The following ST18 variants were observed in gnomAD, a reference collection of about 807,000 sequenced individuals.
ST18 encodes the protein suppression of tumorigenicity 18 protein.
Under a neutral mutation model 110.0 loss-of-function variants are expected in ST18, and 50 were observed. That is an observed-to-expected ratio of 0.45 (90% confidence interval 0.36 to 0.58). The LOEUF (loss-of-function observed/expected upper bound fraction) is 0.58. ST18 is among the 20% of genes least tolerant of loss of function. The pLI is 0.00. For synonymous variants in ST18, 461 were observed against 452.4 expected (o/e 1.02, Z -0.24); for missense variants, 1,306 against 1,280.1 (o/e 1.02, Z -0.31).
rs887209270 is a variant in ST18, at chr8:52,112,628, C to G, written c.*570G>C. 4 of 152,576 alleles carry G rather than the reference C, an allele frequency of 2.6e-5. No homozygotes were observed. Among genetic ancestry groups the G allele is most frequent in the African/African-American group, 9.7e-5 (4 of 41,430 alleles). The allele number at this position is 152,576 out of a possible 1,614,324, so 9.5% of individuals were successfully genotyped here. A position where few individuals can be genotyped will look rare whatever the true frequency, so the allele number is the denominator to read the frequency against. On this transcript the variant is annotated 3_prime_UTR_variant, in exon 26 of 26. Coordinates refer to ENST00000689386, the MANE Select transcript of ST18 (RefSeq NM_001352837.2). ...CGTGCAGCTCACCTTACCGCAAATT[C>G]ATTTATAAATACAAAAATCAGTGAA...
At chr8:52,137,588 T>C in intron 17 of ST18, 105 bp from the exon 18 acceptor site, 2 of 1,066,046 alleles carry the variant, frequency 1.9e-6, no homozygotes, top group Middle Eastern at 4.0e-4. Flanking sequence ...CGAGATAAGT[T>C]AACACAGTAT....
At chr8:52,346,619 G>T (rs1817905036) in intron 2 of ST18, among the ~76,000 whole-genome samples, 1 of 152,210 alleles carries the variant, frequency 6.6e-6, no homozygotes, top group African/African-American at 2.4e-5. Context: ...AAACACAACT[G>T]CATCAGCCTT....
chr8:52,252,151 G>T (rs1385570389), intron 2 of ST18, among the ~76,000 whole-genome samples: 4 of 152,110 alleles, frequency 2.6e-5, no homozygotes, highest in African/African-American at 9.6e-5. Context: ...GTTTAAAGCT[G>T]CAACTGGAAA....
intron 2 of ST18, among the ~76,000 whole-genome samples, chr8:52,348,454 A>C (rs568663934): frequency 6.6e-6 from 1 of 152,258 alleles, no homozygotes; most frequent in Non-Finnish European, 1.5e-5. Flanking sequence ...TCTGACAGAT[A>C]AAACTGTGTA....
At chr8:52,282,883 C>G (rs1032928555) in intron 2 of ST18, among the ~76,000 whole-genome samples, 2 of 152,042 alleles carry the variant, frequency 1.3e-5, no homozygotes, top group African/African-American at 4.8e-5. Flanking sequence ...AATTGGCTTT[C>G]TCACCCAAGA....
intron 2 of ST18, among the ~76,000 whole-genome samples, chr8:52,336,222 C>T (rs1811992135): frequency 6.6e-6 from 1 of 152,102 alleles, no homozygotes; most frequent in South Asian, 2.1e-4. Context: ...AATCTCGGCT[C>T]ACTGCAACCT....
rs927946971 is a variant in ST18, at chr8:52,361,276, T to C, written c.-465+48052A>G. Among the ~76,000 whole-genome samples the C allele has an allele frequency of 2.6e-5, 4 of 152,330 alleles. No homozygotes were observed. The East Asian group carries it at 7.7e-4, about 29-fold the overall frequency. On this transcript the variant is annotated intron_variant, in intron 2 of 25. Coordinates refer to ENST00000689386, the MANE Select transcript of ST18 (RefSeq NM_001352837.2). Reference sequence around the variant, plus strand: ...AGAAGCAAGAAGTGGACCAGGGAAATATTTATATAAAAAGACAATATATAA... The same window carrying C: ...AGAAGCAAGAAGTGGACCAGGGAAACATTTATATAAAAAGACAATATATAA...
chr8:52,352,252 A>G (rs1220270127), intron 2 of ST18, among the ~76,000 whole-genome samples: 1 of 152,180 alleles, frequency 6.6e-6, no homozygotes. Context: ...AAGTCAGCCT[A>G]GATTGCACTT....
At chr8:52,247,322 T>C (rs922028599) in intron 2 of ST18, among the ~76,000 whole-genome samples, 7 of 152,272 alleles carry the variant, frequency 4.6e-5, no homozygotes, top group East Asian at 3.9e-4. Context: ...GCAAGACCCA[T>C]ATAGGTGGAA....
intron 2 of ST18, among the ~76,000 whole-genome samples, chr8:52,237,565 T>G (rs1357741922): frequency 6.6e-6 from 1 of 152,238 alleles, no homozygotes. Context: ...TAAAGCCCAT[T>G]TGTTCAATTA....
intron 17 of ST18, among the ~76,000 whole-genome samples, chr8:52,141,262 C>T (rs1378016918): frequency 6.6e-6 from 1 of 152,152 alleles, no homozygotes; most frequent in African/African-American, 2.4e-5. Context: ...TTACTGAACA[C>T]CTACTATGTG....
At chr8:52,345,504 G>A (rs1258476656) in intron 2 of ST18, among the ~76,000 whole-genome samples, 3 of 152,230 alleles carry the variant, frequency 2.0e-5, no homozygotes, top group African/African-American at 7.2e-5. Context: ...CAGAAGAGAT[G>A]ATACCAGTAT....
intron 2 of ST18, among the ~76,000 whole-genome samples, chr8:52,295,710 C>CTTTTTTTT (rs371927202): frequency 7.6e-6 from 1 of 130,844 alleles, no homozygotes; most frequent in Non-Finnish European, 1.6e-5. Flanking sequence ...TCTTTTTTTC[C>CTTTTTTTT]TTTTTTTTTT....
At chr8:52,223,984 T>A (rs1412412384) in intron 3 of ST18, among the ~76,000 whole-genome samples, 1 of 152,178 alleles carries the variant, frequency 6.6e-6, no homozygotes, top group Non-Finnish European at 1.5e-5. Flanking sequence ...CACATTTACC[T>A]TAGTATTGCT....
chr8:52,250,403 T>C (rs1468702315), intron 2 of ST18, among the ~76,000 whole-genome samples: 1 of 115,994 alleles, frequency 8.6e-6, no homozygotes. Context: ...GCCGTTTTCC[T>C]ACTATCAGTC....
At chr8:52,267,275 G>A (rs572170173) in intron 2 of ST18, among the ~76,000 whole-genome samples, 2 of 151,866 alleles carry the variant, frequency 1.3e-5, no homozygotes, top group African/African-American at 4.8e-5. Context: ...GTATTAGGAG[G>A]GTGAGAAAGA....
intron 14 of ST18, among the ~76,000 whole-genome samples, chr8:52,159,807 T>A (rs1018561607): frequency 1.7e-4 from 26 of 152,350 alleles, no homozygotes; most frequent in Admixed American, 1.6e-3. Flanking sequence ...TTCCATTTTA[T>A]GTTTCTGTTG....
At chr8:52,187,470 G>C (rs1332259685) in intron 8 of ST18, among the ~76,000 whole-genome samples, 1 of 152,220 alleles carries the variant, frequency 6.6e-6, no homozygotes, top group African/African-American at 2.4e-5. Context: ...TTAATGAGCA[G>C]ACTTGCTCCA....
intron 2 of ST18, among the ~76,000 whole-genome samples, chr8:52,247,858 A>G (rs1011038879): frequency 2.6e-5 from 4 of 152,192 alleles, no homozygotes; most frequent in Admixed American, 6.5e-5. Flanking sequence ...TTTTCCCCAC[A>G]TACATTTTAC....
Sources: allele counts gnomAD v4.1 joint callset (sites outside exome capture counted in the v4.1 genomes callset), GRCh38; gene constraint gnomAD v4.1.1; transcripts MANE v1.5; gene names NCBI Gene and HGNC (gene_info 2026-07-23, HGNC 2026-07-21).